The following TMCC1 variants were observed in gnomAD, a reference collection of about 807,000 sequenced individuals.
The protein encoded by TMCC1 is transmembrane and coiled-coil domains protein 1.
In TMCC1, 15 loss-of-function variants were observed where a neutral mutation model predicts 52.4. That is an observed-to-expected ratio of 0.29 (90% CI 0.19 to 0.44). The LOEUF is 0.44. Ranked by LOEUF, TMCC1 falls within the 20% of genes least tolerant of loss-of-function variation. The probability of loss-of-function intolerance (pLI) is 1.00; values close to 1 mark genes in which losing one functional copy is unlikely to be tolerated. For synonymous variants in TMCC1, 279 were observed against 301.9 expected, an observed-to-expected ratio of 0.92 and a Z score of 0.79; for missense variants, 503 against 806.0, an observed-to-expected ratio of 0.62 and a Z score of 4.55.
chr3:129,871,849 A>T (rs1424119276), intron 2 of TMCC1, among the ~76,000 whole-genome samples: 1 of 152,260 alleles, frequency 6.6e-6, no homozygotes, highest in Non-Finnish European at 1.5e-5. Context: ...TTTCATATAG[A>T]TGAAAAGTTC....
chr3:129,698,737 C>T (rs368050023), intron 4 of TMCC1, among the ~76,000 whole-genome samples: 11 of 151,926 alleles, frequency 7.2e-5, no homozygotes, highest in African/African-American at 2.7e-4. Context: ...AAGGCCTGTA[C>T]AAAAGAGCTA....
In TMCC1 at chr3:129,651,558, C is replaced by G; in HGVS notation, c.1885G>C (p.Val629Leu). The G allele has an allele frequency of 6.2e-7, 1 of 1,614,218 alleles. No individual in the cohort carries two copies. The highest frequency in any genetic ancestry group is 8.5e-7 in the Non-Finnish European group (1 of 1,180,042). The change falls in exon 7 of 7, where the codon GTT becomes CTT. Residue 629 changes from valine to leucine, a missense_variant. By Grantham distance (32) the Val-to-Leu change is conservative. Around this residue, in one of 7 missense-constraint regions of TMCC1, gnomAD observed 50 missense variants for 62.6 expected, o/e 0.80. Transcript: ENST00000393238. This position sits in a 1 kb window ranked among gnomAD's most constrained non-coding sequence, Gnocchi z 5.1. The stretch of plus-strand genomic sequence containing the variant: ...TGCTTCCAGAGAAAGGCAATAAAAA[C>G]CACAAGGAATAAAGTGCTGAACGTC... ...NRTFSTLFLV[V>L]FIAFLWKHWD...
intron 4 of TMCC1, among the ~76,000 whole-genome samples, chr3:129,698,508 T>C (rs2047578884): frequency 6.6e-6 from 1 of 152,178 alleles, no homozygotes; most frequent in African/African-American, 2.4e-5. Flanking sequence ...TCTCTTTGAG[T>C]CCAATTCTCA....
At chr3:129,682,537 T>G (rs1206825391) in intron 4 of TMCC1, among the ~76,000 whole-genome samples, 4 of 152,182 alleles carry the variant, frequency 2.6e-5, no homozygotes, top group Non-Finnish European at 5.9e-5. Flanking sequence ...CTACAGTGCC[T>G]GCTGGATATA....
chr3:129,778,671 T>C (rs981354024), intron 4 of TMCC1, among the ~76,000 whole-genome samples: 2 of 34,328 alleles, frequency 5.8e-5, no homozygotes, highest in African/African-American at 1.9e-4. Context: ...GATTAGATCA[T>C]GGTGGGGGGG....
intron 4 of TMCC1, among the ~76,000 whole-genome samples, chr3:129,751,457 G>A (rs988401968): frequency 2.0e-5 from 3 of 151,954 alleles, no homozygotes; most frequent in Non-Finnish European, 4.4e-5. Context: ...TTGAGCCCAG[G>A]AGTTTGAGGC....
intron 4 of TMCC1, among the ~76,000 whole-genome samples, chr3:129,697,465 G>C (rs1475553311): frequency 2.6e-5 from 4 of 152,178 alleles, no homozygotes; most frequent in Non-Finnish European, 5.9e-5. Context: ...CTCTAGGCCT[G>C]TGATGGGAGG....
At chr3:129,885,132 C>T (rs1434854661) in intron 1 of TMCC1, among the ~76,000 whole-genome samples, 1 of 151,200 alleles carries the variant, frequency 6.6e-6, no homozygotes, top group African/African-American at 2.4e-5. Context: ...AAGTGAGACC[C>T]TGTTTCTACA....
At chr3:129,838,529 CA>C (rs1254882468) in intron 2 of TMCC1, among the ~76,000 whole-genome samples, 1 of 151,926 alleles carries the variant, frequency 6.6e-6, no homozygotes. Context: ...CCGAGACGGG[CA>C]GATCACAAGG....
At chr3:129,741,354 C>G (rs1028909480) in intron 4 of TMCC1, among the ~76,000 whole-genome samples, 1 of 152,126 alleles carries the variant, frequency 6.6e-6, no homozygotes, top group Admixed American at 6.5e-5. Context: ...ACCTGTATGG[C>G]TGTTTAAAAA....
intron 4 of TMCC1, among the ~76,000 whole-genome samples, chr3:129,733,928 GTCAATGGGAACTT>G (rs1209027191): frequency 6.6e-6 from 1 of 152,106 alleles, no homozygotes; most frequent in African/African-American, 2.4e-5. Flanking sequence ...GAAGATGCAG[GTCAATGGGAACTT>G]TCACACACTA....
rs560540863 is a variant in TMCC1 at position 129,787,454 on chromosome 3, TTTC to T, written c.576+40346_576+40348del. ...ACAAGGGAAGTTGCATGTCCATTGT[TTTC>T]TTCTTATTAAACATATTTTTCAGTA... On this transcript the variant is annotated intron_variant, in intron 4 of 6. Coordinates refer to ENST00000393238, the MANE Select transcript of TMCC1 (RefSeq NM_001017395.5). 2.4e-3 allele frequency among the ~76,000 whole-genome samples: 370 copies of T among 152,320 alleles called. 3 individuals are homozygous for T. The highest frequency in any genetic ancestry group is 8.2e-3 in the African/African-American group (340 of 41,578).
intron 5 of TMCC1, among the ~76,000 whole-genome samples, chr3:129,659,008 G>T (rs2086845816): frequency 6.6e-6 from 1 of 151,768 alleles, no homozygotes; most frequent in Non-Finnish European, 1.5e-5. Context: ...TATTGAAAGA[G>T]ATTTAACTAG....
intron 4 of TMCC1, among the ~76,000 whole-genome samples, chr3:129,809,553 G>GT (rs1297630642): frequency 6.6e-6 from 1 of 152,114 alleles, no homozygotes; most frequent in East Asian, 1.9e-4. Flanking sequence ...GCTTCCAGCT[G>GT]TAATTTTTTA....
chr3:129,736,933 C>A (rs941154829), intron 4 of TMCC1, among the ~76,000 whole-genome samples: 1 of 152,122 alleles, frequency 6.6e-6, no homozygotes, highest in Non-Finnish European at 1.5e-5. Flanking sequence ...TACCTACCAC[C>A]CATACTCAAC....
At chr3:129,792,877 T>C (rs931828938) in intron 4 of TMCC1, among the ~76,000 whole-genome samples, 5 of 152,180 alleles carry the variant, frequency 3.3e-5, no homozygotes, top group African/African-American at 9.7e-5. Flanking sequence ...AGTGTACTTT[T>C]TGTAAATCAG....
chr3:129,814,137 AG>A (rs2057980018), intron 4 of TMCC1, among the ~76,000 whole-genome samples: 2 of 152,170 alleles, frequency 1.3e-5, no homozygotes, highest in South Asian at 4.1e-4. Flanking sequence ...AAATTTCTAA[AG>A]ACATTAGGAG....
intron 2 of TMCC1, among the ~76,000 whole-genome samples, chr3:129,835,355 C>G (rs1265143216): frequency 2.0e-5 from 3 of 151,496 alleles, no homozygotes; most frequent in Non-Finnish European, 4.4e-5. Context: ...ATTTTAATGA[C>G]AGGCTTTTCC....
chr3:129,776,351 T>C (rs957124317), intron 4 of TMCC1, among the ~76,000 whole-genome samples: 1 of 152,208 alleles, frequency 6.6e-6, no homozygotes, highest in Non-Finnish European at 1.5e-5. Context: ...GTGAATAAAA[T>C]GTATGAAACT....
Sources: gnomAD v4.1 joint callset for allele counts (sites outside exome capture counted in the v4.1 genomes callset) on GRCh38, gnomAD v4.1.1 for gene constraint, gnomAD v4.1.1 regional missense constraint, Gnocchi (gnomAD v3.1) non-coding constraint, MANE v1.5 for transcripts, NCBI Gene and HGNC (gene_info 2026-07-23, HGNC 2026-07-21) for gene names.